The following PRDM16 variants were observed in gnomAD, a reference collection of about 807,000 sequenced individuals.
The protein encoded by PRDM16 is PR/SET domain 16.
In PRDM16, 23 loss-of-function variants were observed where a neutral mutation model predicts 110.6. That is an observed-to-expected ratio of 0.21 (90% CI 0.15 to 0.29). The LOEUF (loss-of-function observed/expected upper bound fraction) is 0.29. Among genes scored for constraint, PRDM16 ranks in the 10% least tolerant of loss-of-function variants. PRDM16 has a pLI of 1.00. For synonymous variants in PRDM16, 799 were observed against 781.8 expected (o/e 1.02, Z -0.37); for missense variants, 1,615 against 1,794.3 (o/e 0.90, Z 1.81).
At chr1:3,431,307 C>G (rs537328857) in intron 15 of PRDM16, among the ~76,000 whole-genome samples, 199 bp downstream of exon 15, 1 of 152,206 alleles carries the variant, frequency 6.6e-6, no homozygotes, top group East Asian at 1.9e-4. Context: ...TTAACCCCCC[C>G]ACCCACCCCC....
intron 6 of PRDM16, 77 bp downstream of exon 6, chr1:3,403,075 T>G (rs1643501390): frequency 7.9e-7 from 1 of 1,264,074 alleles, no homozygotes; most frequent in Non-Finnish European, 1.1e-6. Flanking sequence ...CGTGCCCTCC[T>G]CTGAGTCTTC....
chr1:3,069,778 C>T lies in PRDM16; in HGVS notation c.37+482C>T, dbSNP rs1042493644. On this transcript the variant is annotated intron_variant, in intron 1 of 16. Transcript: ENST00000270722. The surrounding 1 kb of genome is among the most constrained non-coding windows in gnomAD (Gnocchi z 6.1). ...TATTCCGGGCTTTTGAAATAGTGGG[C>T]GCTAGAGCACCGCCTTTGGCGTCCG... Among the ~76,000 whole-genome samples the T allele has an allele frequency of 6.6e-6, 1 of 152,046 alleles. No individual in the cohort carries two copies. The highest frequency in any genetic ancestry group is 2.4e-5 in the African/African-American group (1 of 41,428).
rs185657355 is a variant in PRDM16, at chr1:3,213,100, G to T, written c.387+26626G>T. On this transcript the variant is annotated intron_variant, in intron 2 of 16. Transcript: ENST00000270722. The surrounding 1 kb of genome is among the most constrained non-coding windows in gnomAD (Gnocchi z 5.3). ...CCCGGGAGGCCGAGCTCAGGAAGAC[G>T]CGGCAAATCCCATCCTATGTGCTTG... 6.6e-6 allele frequency among the ~76,000 whole-genome samples: 1 copy of T among 152,180 alleles called. No homozygotes were observed. Among genetic ancestry groups the T allele is most frequent in the Non-Finnish European group, 1.5e-5 (1 of 68,034 alleles).
intron 2 of PRDM16, among the ~76,000 whole-genome samples, chr1:3,233,982 G>T (rs1279215336): frequency 6.6e-6 from 1 of 152,066 alleles, no homozygotes; most frequent in African/African-American, 2.4e-5. Context: ...TGGAGGATGG[G>T]CACAGGGCCC....
intron 3 of PRDM16, among the ~76,000 whole-genome samples, chr1:3,286,065 A>T (rs899506569): frequency 6.6e-6 from 1 of 152,214 alleles, no homozygotes; most frequent in African/African-American, 2.4e-5. Flanking sequence ...GCCATTTTTT[A>T]AAAAGTCAAT....
At chr1:3,393,463 C>T (rs1643330147) in intron 4 of PRDM16, among the ~76,000 whole-genome samples, 1 of 152,200 alleles carries the variant, frequency 6.6e-6, no homozygotes, top group Non-Finnish European at 1.5e-5. Context: ...TATAAGCAGA[C>T]GGCAGGAATG....
chr1:3,115,587 G>A (rs574414782), intron 1 of PRDM16, among the ~76,000 whole-genome samples: 1 of 152,368 alleles, frequency 6.6e-6, no homozygotes, highest in East Asian at 1.9e-4. Flanking sequence ...CCCGGCGCCG[G>A]CCTCCGCCGT....
intron 2 of PRDM16, among the ~76,000 whole-genome samples, chr1:3,205,124 G>A (rs1356040619): frequency 6.6e-6 from 1 of 151,936 alleles, no homozygotes; most frequent in African/African-American, 2.4e-5. Flanking sequence ...TTGTTTGGTG[G>A]GGGCGGGGCT....
At chr1:3,195,415 C>G (rs915005765) in intron 2 of PRDM16, among the ~76,000 whole-genome samples, 2 of 152,222 alleles carry the variant, frequency 1.3e-5, no homozygotes, top group African/African-American at 4.8e-5. Context: ...CTCTCCTTTA[C>G]TTCCTTAAGG....
Position 3,243,122 on chromosome 1 carries a change from C to T in PRDM16, c.388-965C>T, listed in dbSNP as rs1162000523. On this transcript the variant is annotated intron_variant, in intron 2 of 16. Transcript: ENST00000270722. The surrounding 1 kb of genome is among the most constrained non-coding windows in gnomAD (Gnocchi z 5.5). ...GGAGGAAGAACGAGCCGACTGCTGG[C>T]CCACTCCAGCCTCCCTGTCTCGGCC... is the stretch of plus-strand genomic sequence containing the variant. Among the ~76,000 whole-genome samples the T allele has an allele frequency of 6.6e-6, 1 of 152,198 alleles. No homozygotes were observed. Among genetic ancestry groups the T allele is most frequent in the Admixed American group, 6.5e-5 (1 of 15,280 alleles).
chr1:3,075,034 G>A (rs940050945), intron 1 of PRDM16, among the ~76,000 whole-genome samples: 1 of 152,232 alleles, frequency 6.6e-6, no homozygotes, highest in Non-Finnish European at 1.5e-5. Context: ...GCCTCTCCCT[G>A]GTCTGACCAC....
At chr1:3,154,280 CG>C (rs1643825328) in intron 1 of PRDM16, among the ~76,000 whole-genome samples, 1 of 152,170 alleles carries the variant, frequency 6.6e-6, no homozygotes, top group Non-Finnish European at 1.5e-5. Context: ...TCTCCCTGGG[CG>C]GCGTGGTGGG....
chr1:3,315,982 A>G (rs1429287460), intron 3 of PRDM16, among the ~76,000 whole-genome samples: 3 of 152,048 alleles, frequency 2.0e-5, no homozygotes. Flanking sequence ...CAGGCTTCCA[A>G]ATTCCTTTCA....
At chr1:3,101,391 C>G (rs918430985) in intron 1 of PRDM16, among the ~76,000 whole-genome samples, 1 of 152,238 alleles carries the variant, frequency 6.6e-6, no homozygotes, top group Admixed American at 6.5e-5. Context: ...GTCACTCAGG[C>G]ACTGAATTAA....
rs545623080 is a variant in PRDM16 at position 3,209,270 on chromosome 1, G to T, written c.387+22796G>T. Among the ~76,000 whole-genome samples the T allele has an allele frequency of 1.5e-4, 23 of 152,346 alleles. No homozygotes were observed. Among genetic ancestry groups the T allele is most frequent in the Non-Finnish European group, 2.9e-5 (2 of 68,030 alleles). On this transcript the variant is annotated intron_variant, in intron 2 of 16. Coordinates refer to ENST00000270722, the MANE Select transcript of PRDM16 (RefSeq NM_022114.4). This position sits in a 1 kb window ranked among gnomAD's most constrained non-coding sequence, Gnocchi z 4.6. ...GGACAGGAAATAAATCTCAGAGTGG[G>T]ATTTACTAAGCACGGTCACGCTGAA...
In PRDM16 at chr1:3,201,946, G is replaced by C. The variant is rs114616568; in HGVS notation, c.387+15472G>C. ...CGAGCAAGGGGTCCAGCTCCTGTAG[G>C]TTTCTTGCTTCAGTGGTGCCCGTAC... On this transcript the variant is annotated intron_variant, in intron 2 of 16. Transcript: ENST00000270722. This position sits in a 1 kb window ranked among gnomAD's most constrained non-coding sequence, Gnocchi z 4.1. Among the ~76,000 whole-genome samples, 2,317 of 152,292 alleles carry C rather than the reference G, an allele frequency of 0.015. 45 individuals carry two copies. Among genetic ancestry groups the C allele is most frequent in the African/African-American group, 0.043 (1,782 of 41,552 alleles).
Position 3,186,357 on chromosome 1 carries a change from C to T in PRDM16, c.270C>T (p.Ser90=). The change falls in exon 2 of 17, where the codon TCC becomes TCT. Residue 90 remains serine (S), a synonymous_variant. Coordinates refer to ENST00000270722, the MANE Select transcript of PRDM16 (RefSeq NM_022114.4). ...IPADFELRES[S]IPGAGLGVWA... ...CAGACTTCGAGCTCCGAGAGTCCTCCATCCCAGGGGCTGGCCTGGGGGTCT... is the reference window on the plus strand; with the variant it reads ...CAGACTTCGAGCTCCGAGAGTCCTCTATCCCAGGGGCTGGCCTGGGGGTCT... The T allele has an allele frequency of 1.2e-6, 2 of 1,612,218 alleles. No individual in the cohort carries two copies. Among genetic ancestry groups the T allele is most frequent in the Non-Finnish European group, 1.7e-6 (2 of 1,179,690 alleles).
At chr1:3,402,062 C>T (rs1290497995) in intron 5 of PRDM16, among the ~76,000 whole-genome samples, 1 of 152,274 alleles carries the variant, frequency 6.6e-6, no homozygotes, top group African/African-American at 2.4e-5. Flanking sequence ...CGTGTGCATA[C>T]ACAGCTGCCT....
chr1:3,100,234 C>T (rs919114067), intron 1 of PRDM16, among the ~76,000 whole-genome samples: 1 of 152,164 alleles, frequency 6.6e-6, no homozygotes, highest in African/African-American at 2.4e-5. Flanking sequence ...GGCCCCAGTG[C>T]CCACTCTCTG....
Sources: allele counts gnomAD v4.1 joint callset (sites outside exome capture counted in the v4.1 genomes callset), GRCh38; gene constraint gnomAD v4.1.1; non-coding constraint Gnocchi (gnomAD v3.1); transcripts MANE v1.5; gene names NCBI Gene and HGNC (gene_info 2026-07-23, HGNC 2026-07-21).